The following ASPH variants were observed in gnomAD, a reference collection of about 807,000 sequenced individuals.
ASPH encodes the protein aspartyl/asparaginyl beta-hydroxylase.
Under a neutral mutation model 118.4 loss-of-function variants are expected in ASPH, and 100 were observed. The ratio of observed to expected loss-of-function variants is 0.84; its 90% CI spans 0.72 to 1.00. The LOEUF is 1.00. Among genes scored for constraint, ASPH ranks in the 50% least tolerant of loss-of-function variants. The pLI is 0.00. For missense variants in ASPH, 920 were observed against 919.5 expected (o/e 1.00, Z -0.01); for synonymous variants, 315 against 325.6 (o/e 0.97, Z 0.35).
chr8:61,670,462 G>A (rs141841936), intron 3 of ASPH, among the ~76,000 whole-genome samples: 156 of 152,032 alleles, frequency 1.0e-3, no homozygotes, highest in African/African-American at 3.5e-3. Context: ...ATGCCACAGT[G>A]ATGAGAAAAC....
chr8:61,615,246 C>T (rs1056713283), intron 14 of ASPH, among the ~76,000 whole-genome samples: 2 of 152,136 alleles, frequency 1.3e-5, no homozygotes, highest in African/African-American at 4.8e-5. Context: ...AGAATGCTCC[C>T]CAAGTCTCGG....
intron 16 of ASPH, among the ~76,000 whole-genome samples, chr8:61,575,119 G>A (rs1003180683): frequency 6.6e-6 from 1 of 151,996 alleles, no homozygotes; most frequent in Non-Finnish European, 1.5e-5. Flanking sequence ...GACCTTTCCT[G>A]CCCAACTTGT....
intron 21 of ASPH, among the ~76,000 whole-genome samples, chr8:61,536,663 C>T (rs4738906): frequency 0.95 from 144,751 of 152,238 alleles, 68,843 homozygotes; most frequent in East Asian, 1. Context: ...GGGAAGCCTT[C>T]AGTTATTAAT....
chr8:61,505,410 C>T (rs1055608324), intron 24 of ASPH, among the ~76,000 whole-genome samples: 7 of 148,950 alleles, frequency 4.7e-5, no homozygotes, highest in African/African-American at 1.7e-4. Context: ...CAGGAAATTG[C>T]TTGAACCTGG....
Position 61,501,441 on chromosome 8 carries a change from C to T in ASPH, c.*1918G>A, listed in dbSNP as rs540036932. ...TTAAGAGCTAGTTTTTACTCTCTTC[C>T]ATAATTTCATTACATGAATGTAAGA... On this transcript the variant is annotated 3_prime_UTR_variant, in exon 25 of 25. Transcript: ENST00000379454. The T allele has an allele frequency of 6.6e-6, 1 of 152,226 alleles. No individual in the cohort carries two copies. The highest frequency in any genetic ancestry group is 2.4e-5 in the African/African-American group (1 of 41,554). The allele number at this position is 152,226 out of a possible 1,614,324, so 9.4% of individuals were successfully genotyped here. A position where few individuals can be genotyped will look rare whatever the true frequency, so the allele number is the denominator to read the frequency against.
chr8:61,632,724 T>A (rs1856141092), intron 13 of ASPH: 1 of 428,506 alleles, frequency 2.3e-6, no homozygotes, highest in Non-Finnish European at 4.6e-6. Context: ...ACCTAAGGCA[T>A]CCCACATATA....
intron 1 of ASPH, 21 bp downstream of exon 1, chr8:61,714,248 C>T: frequency 6.8e-7 from 1 of 1,479,460 alleles, no homozygotes. Flanking sequence ...CCCCAGATCC[C>T]CGCCCCGCAG....
rs145048648 is a variant in ASPH, at chr8:61,508,139, C to T, written c.2127-4630G>A. Among the ~76,000 whole-genome samples the T allele has an allele frequency of 5.9e-3, 904 of 152,292 alleles. 14 individuals are homozygous for T. The highest frequency in any genetic ancestry group is 0.02 in the African/African-American group (836 of 41,570). ...AGGTGATCCTCCCACCTCAGTCTCC[C>T]GAGTACCTAGGACTACAGGTATGTG... is the stretch of plus-strand genomic sequence containing the variant. On this transcript the variant is annotated intron_variant, in intron 24 of 24. Transcript: ENST00000379454.
chr8:61,617,570 T>A (rs1395092177), intron 14 of ASPH, among the ~76,000 whole-genome samples: 1 of 152,092 alleles, frequency 6.6e-6, no homozygotes, highest in Non-Finnish European at 1.5e-5. Flanking sequence ...GCCAACGGTT[T>A]CTGATATTAA....
At chr8:61,573,263 A>G (rs1308358763) in intron 16 of ASPH, among the ~76,000 whole-genome samples, 1 of 152,236 alleles carries the variant, frequency 6.6e-6, no homozygotes, top group African/African-American at 2.4e-5. Flanking sequence ...GGAAGAATCA[A>G]TATCGTGAAA....
chr8:61,563,010 GT>G, intron 17 of ASPH, 130 bp from the exon 18 acceptor site: 1 of 823,132 alleles, frequency 1.2e-6, no homozygotes, highest in Non-Finnish European at 1.7e-6. Context: ...TTTATTAGTG[GT>G]TTACTAAGTA....
chr8:61,527,830 T>C (rs1202576047), intron 21 of ASPH, among the ~76,000 whole-genome samples: 1 of 152,166 alleles, frequency 6.6e-6, no homozygotes, highest in Non-Finnish European at 1.5e-5. Flanking sequence ...AGGTGGTTGG[T>C]TGGCTTGTTG....
chr8:61,577,645 C>T (rs575315990), intron 15 of ASPH, among the ~76,000 whole-genome samples: 1 of 152,240 alleles, frequency 6.6e-6, no homozygotes, highest in East Asian at 1.9e-4. Flanking sequence ...GCGATTGTGG[C>T]AGAAGGCAAA....
intron 24 of ASPH, among the ~76,000 whole-genome samples, chr8:61,516,623 T>C (rs1439762147): frequency 6.6e-6 from 1 of 152,208 alleles, no homozygotes; most frequent in Non-Finnish European, 1.5e-5. Flanking sequence ...TATATATTAA[T>C]GAATAAAGAG....
chr8:61,627,642 G>A (rs1169598711), intron 13 of ASPH, among the ~76,000 whole-genome samples: 1 of 152,134 alleles, frequency 6.6e-6, no homozygotes, highest in Non-Finnish European at 1.5e-5. Context: ...TTTGATTTGA[G>A]AGGAAGATAC....
intron 3 of ASPH, chr8:61,661,374 G>T (rs1816836109): frequency 1.3e-5 from 2 of 152,204 alleles, no homozygotes; most frequent in Admixed American, 1.3e-4. Context: ...TGTGCTGGCT[G>T]TTTACACATA....
chr8:61,569,300 TAC>T (rs1832753755), intron 16 of ASPH, among the ~76,000 whole-genome samples: 1 of 152,208 alleles, frequency 6.6e-6, no homozygotes, highest in Non-Finnish European at 1.5e-5. Flanking sequence ...TTTAGGAGGC[TAC>T]AATCTGAAGC....
chr8:61,556,085 C>T, intron 18 of ASPH, 63 bp from the exon 19 acceptor site: 1 of 1,423,408 alleles, frequency 7.0e-7, no homozygotes, highest in South Asian at 1.2e-5. Context: ...TTAGAAAATT[C>T]TACAGATGAC....
chr8:61,539,785 C>G (rs1293567500), intron 21 of ASPH, among the ~76,000 whole-genome samples: 2 of 146,492 alleles, frequency 1.4e-5, no homozygotes, highest in East Asian at 4.2e-4. Context: ...GCTACCTACT[C>G]TAACAGTTTT....
Sources: allele counts gnomAD v4.1 joint callset (sites outside exome capture counted in the v4.1 genomes callset), GRCh38; gene constraint gnomAD v4.1.1; transcripts MANE v1.5; gene names NCBI Gene and HGNC (gene_info 2026-07-23, HGNC 2026-07-21).